Variants in PADI2 observed in about 807,000 individuals in gnomAD.
The protein encoded by PADI2 is peptidyl arginine deiminase 2, also known as protein-arginine deiminase type-2.
PADI2 carries 70 observed loss-of-function variants against 81.1 expected under a neutral mutation model. That is an observed-to-expected ratio of 0.86 (90% CI 0.71 to 1.05). The LOEUF is 1.05. Among genes scored for constraint, PADI2 ranks in the 50% least tolerant of loss-of-function variants. PADI2 has a pLI of 0.00. For missense variants in PADI2, 853 were observed against 889.9 expected, an observed-to-expected ratio of 0.96 and a Z score of 0.53; for synonymous variants, 338 against 358.0, an observed-to-expected ratio of 0.94 and a Z score of 0.63.
rs146438183 is a variant in PADI2 at position 17,075,691 on chromosome 1, G to A, written c.1443C>T (p.Ile481=). Reference sequence around the variant, plus strand: ...GAGGCTAGCTTACCTTTGTGCCGGGGATGGGGACAAAGGACATGAACTCAT... The same window carrying A: ...GAGGCTAGCTTACCTTTGTGCCGGGAATGGGGACAAAGGACATGAACTCAT... The part of the protein sequence containing the change: ...HVDEFMSFVP[I]PGTKKFLLLM... Residue 481 remains isoleucine (I), a synonymous_variant, in exon 12 of 16, where the codon ATC becomes ATT. Transcript: ENST00000375486. The A allele has an allele frequency of 6.8e-6, 11 of 1,612,024 alleles. No individual in the cohort carries two copies. Among genetic ancestry groups the A allele is most frequent in the Non-Finnish European group, 9.3e-6 (11 of 1,179,216 alleles).
intron 13 of PADI2, among the ~76,000 whole-genome samples, chr1:17,074,585 A>G (rs1055694897): frequency 1.3e-5 from 2 of 152,106 alleles, no homozygotes. Flanking sequence ...GTGCCATTTA[A>G]AGTATACGCT....
chr1:17,095,811 G>T, intron 4 of PADI2, 98 bp downstream of exon 4: 2 of 909,488 alleles, frequency 2.2e-6, no homozygotes, highest in Non-Finnish European at 3.5e-6. Context: ...TTGGGCTTTA[G>T]TCTCCTGAGC....
At chr1:17,086,259 G>A (rs1265954029) in intron 7 of PADI2, among the ~76,000 whole-genome samples, 1 of 152,192 alleles carries the variant, frequency 6.6e-6, no homozygotes, top group African/African-American at 2.4e-5. Flanking sequence ...CAGGACACAG[G>A]CGTGGAGTGT....
chr1:17,089,932 G>A (rs1930624660), intron 6 of PADI2, among the ~76,000 whole-genome samples: 1 of 152,170 alleles, frequency 6.6e-6, no homozygotes, highest in Admixed American at 6.5e-5. Flanking sequence ...CTCCTTGATA[G>A]TGTGACCAGC....
At chr1:17,076,404 A>G (rs538364928) in intron 11 of PADI2, among the ~76,000 whole-genome samples, 4 of 151,846 alleles carry the variant, frequency 2.6e-5, no homozygotes, top group South Asian at 4.2e-4. Context: ...TAGTAGAGAC[A>G]GGGTTTCACC....
intron 2 of PADI2, among the ~76,000 whole-genome samples, chr1:17,103,436 A>C (rs114560362): frequency 5.8e-4 from 88 of 152,310 alleles, no homozygotes; most frequent in African/African-American, 2.0e-3. Flanking sequence ...GTGATGGGGC[A>C]CATGGTAAAG....
rs1244197470 is a variant in PADI2 at position 17,071,446 on chromosome 1, A to G, written c.1595T>C (p.Leu532Pro). 1.2e-6 allele frequency: 2 copies of G among 1,614,184 alleles called. No individual in the cohort carries two copies. The highest frequency in any genetic ancestry group is 8.5e-7 in the Non-Finnish European group (1 of 1,179,996). ...CTCCTGCACAAGGCTCTCGTTGGAC[A>G]GAATCTTGTTGATGGTGATTCGCTT... ...SSKRITINKI[L>P]SNESLVQENL... The change falls in exon 14 of 16, where the codon CTG becomes CCG. Residue 532 changes from leucine to proline, a missense_variant. By Grantham distance (98) the Leu-to-Pro change is moderately conservative (BLOSUM62 -3). Coordinates refer to ENST00000375486, the MANE Select transcript of PADI2 (RefSeq NM_007365.3).
intron 3 of PADI2, among the ~76,000 whole-genome samples, chr1:17,099,788 C>G (rs1191693657): frequency 6.6e-6 from 1 of 152,260 alleles, no homozygotes; most frequent in Non-Finnish European, 1.5e-5. Flanking sequence ...CAACATCCCA[C>G]TGAATCCTTG....
chr1:17,111,074 A>C (rs958694530), intron 1 of PADI2, among the ~76,000 whole-genome samples: 9 of 150,194 alleles, frequency 6.0e-5, no homozygotes, highest in Middle Eastern at 3.3e-3. Context: ...CCCATGGAAA[A>C]GACAGACCTT....
chr1:17,117,151 G>A (rs1931784358), intron 1 of PADI2, among the ~76,000 whole-genome samples: 1 of 152,198 alleles, frequency 6.6e-6, no homozygotes, highest in Non-Finnish European at 1.5e-5. Context: ...GACCTGTTCT[G>A]TCCCGGTGTC....
At position 17,082,526 on chromosome 1, in the gene PADI2, G is replaced by C; in HGVS notation, c.1158+19C>G. 6.8e-7 allele frequency: 1 copy of C among 1,460,722 alleles called. No individual in the cohort carries two copies. Among genetic ancestry groups the C allele is most frequent in the Non-Finnish European group, 9.6e-7 (1 of 1,040,014 alleles). The allele number at this position is 1,460,722 out of a possible 1,614,324, so 90.5% of individuals were successfully genotyped here. On this transcript the variant is annotated intron_variant, in intron 10 of 15. Transcript: ENST00000375486. ...CTCCAGGATCATGCTCCACCCGCAA[G>C]TGGCCCTCAGCATCTTACCAGGAGC...
chr1:17,116,635 G>A (rs1469657446), intron 1 of PADI2, among the ~76,000 whole-genome samples: 1 of 152,204 alleles, frequency 6.6e-6, no homozygotes, highest in African/African-American at 2.4e-5. Context: ...ATAGGACAGA[G>A]TGGGGTATAA....
chr1:17,095,900 G>A lies in PADI2; in HGVS notation c.411+9C>T, dbSNP rs773755506. 3 of 1,606,390 alleles carry A rather than the reference G, an allele frequency of 1.9e-6. No homozygotes were observed. On this transcript the variant is annotated intron_variant, in intron 4 of 15. Transcript: ENST00000375486. The stretch of plus-strand genomic sequence containing the variant: ...GTTCAGGGTGGTGCCTGCCCTGAAA[G>A]CTAGGTACCTTCTTTGGGTTGTTCT...
intron 15 of PADI2, among the ~76,000 whole-genome samples, chr1:17,069,746 C>T (rs1265182699): frequency 6.6e-6 from 1 of 152,182 alleles, no homozygotes; most frequent in Non-Finnish European, 1.5e-5. Flanking sequence ...TCCATGTGTG[C>T]ATATGTATTG....
At chr1:17,100,979 TA>T (rs965392523) in intron 3 of PADI2, among the ~76,000 whole-genome samples, 10 of 152,102 alleles carry the variant, frequency 6.6e-5, no homozygotes, top group Non-Finnish European at 1.5e-4. Flanking sequence ...TTTATTGATG[TA>T]TTTTTTTTTC....
chr1:17,117,202 AT>A (rs1557775907), intron 1 of PADI2, among the ~76,000 whole-genome samples: 1 of 152,206 alleles, frequency 6.6e-6, no homozygotes, highest in Non-Finnish European at 1.5e-5. Context: ...GATGCACTCA[AT>A]CTACGCTGAG....
At chr1:17,104,048 C>T (rs891359955) in intron 2 of PADI2, among the ~76,000 whole-genome samples, 8 of 150,848 alleles carry the variant, frequency 5.3e-5, no homozygotes, top group African/African-American at 2.0e-4. Flanking sequence ...TTTGGGAGGC[C>T]AAGGTGGGCG....
At position 17,115,730 on chromosome 1, in the gene PADI2, A is replaced by G. The variant is rs1931734086; in HGVS notation, c.92+3550T>C. 6.6e-6 allele frequency among the ~76,000 whole-genome samples: 1 copy of G among 152,248 alleles called. No homozygotes were observed. The highest frequency in any genetic ancestry group is 2.4e-5 in the African/African-American group (1 of 41,476). On this transcript the variant is annotated intron_variant, in intron 1 of 15. Coordinates refer to ENST00000375486, the MANE Select transcript of PADI2 (RefSeq NM_007365.3). The surrounding 1 kb of genome is among the most constrained non-coding windows in gnomAD (Gnocchi z 4.1). ...CCCACTGAAGAAGTGACTGTCGGCT[A>G]AAGGGACCACCGGAGGAGATTGTGT... is the stretch of plus-strand genomic sequence containing the variant.
chr1:17,076,988 G>A (rs1200736325), intron 11 of PADI2, among the ~76,000 whole-genome samples: 1 of 151,976 alleles, frequency 6.6e-6, no homozygotes, highest in Non-Finnish European at 1.5e-5. Context: ...CTGGCTCCTG[G>A]CCAGCCCTCC....
Sources: gnomAD v4.1 joint callset for allele counts (sites outside exome capture counted in the v4.1 genomes callset) on GRCh38, gnomAD v4.1.1 for gene constraint, Gnocchi (gnomAD v3.1) non-coding constraint, MANE v1.5 for transcripts, NCBI Gene and HGNC (gene_info 2026-07-23, HGNC 2026-07-21) for gene names.